Variants in GASK1B observed in about 807,000 individuals in gnomAD.
GASK1B encodes golgi associated kinase 1B.
In GASK1B, 34 loss-of-function variants were observed where a neutral mutation model predicts 42.8. The observed-to-expected ratio is 0.79, with a 90% confidence interval of 0.60 to 1.06. GASK1B has a LOEUF of 1.06. GASK1B is among the 50% of genes least tolerant of loss of function. The probability of loss-of-function intolerance (pLI) is 0.00; values close to 1 mark genes in which losing one functional copy is unlikely to be tolerated. For synonymous variants in GASK1B, 262 were observed against 259.1 expected, an observed-to-expected ratio of 1.01 and a Z score of -0.11; for missense variants, 686 against 661.0, an observed-to-expected ratio of 1.04 and a Z score of -0.42.
At chr4:158,129,678 T>G (rs1386159350) in intron 4 of GASK1B, among the ~76,000 whole-genome samples, 8 of 152,092 alleles carry the variant, frequency 5.3e-5, no homozygotes, top group Non-Finnish European at 1.5e-5. Context: ...ATACTGGACT[T>G]GGATTTGGAA....
chr4:158,156,047 GA>G (rs944954557), intron 2 of GASK1B, among the ~76,000 whole-genome samples: 45 of 151,922 alleles, frequency 3.0e-4, no homozygotes, highest in African/African-American at 9.4e-4. Context: ...GTTAGACAAT[GA>G]AAAAAAATTT....
chr4:158,161,446 G>A (rs1475151588), intron 2 of GASK1B, among the ~76,000 whole-genome samples: 1 of 152,154 alleles, frequency 6.6e-6, no homozygotes, highest in Non-Finnish European at 1.5e-5. Context: ...TCAGGAGTTA[G>A]CTAAGTGTGA....
intron 2 of GASK1B, chr4:158,159,458 T>C (rs1374556090): frequency 7.1e-6 from 3 of 422,144 alleles, no homozygotes; most frequent in African/African-American, 6.3e-5. Context: ...CTGGATGGAT[T>C]TGAAGAGATG....
chr4:158,132,507 C>T (rs915006191), intron 3 of GASK1B, among the ~76,000 whole-genome samples: 5 of 152,198 alleles, frequency 3.3e-5, no homozygotes, highest in African/African-American at 1.2e-4. Context: ...ATTACCACTT[C>T]CAATGGAAAA....
intron 3 of GASK1B, among the ~76,000 whole-genome samples, chr4:158,146,633 G>A (rs1346797001): frequency 6.6e-6 from 1 of 152,200 alleles, no homozygotes; most frequent in Non-Finnish European, 1.5e-5. Context: ...GGTTAAATCA[G>A]TAGTAGCAGA....
Position 158,155,656 on chromosome 4 carries a change from A to G in GASK1B, c.1080T>C (p.His360=), listed in dbSNP as rs1731729682. The G allele has an allele frequency of 6.2e-7, 1 of 1,613,858 alleles. No individual in the cohort carries two copies. The highest frequency in any genetic ancestry group is 2.2e-5 in the East Asian group (1 of 44,874). The change falls in exon 3 of 5, where the codon CAT becomes CAC. Residue 360 remains histidine, a synonymous_variant. Coordinates refer to ENST00000585682, the MANE Select transcript of GASK1B (RefSeq NM_001128424.2). ...PKPESGCTEI[H]HHEWSKMALF... ...GTGCCATCTTGGACCACTCATGATG[A>G]TGTATTTCAGTACAACCCGATTCAG...
In GASK1B at chr4:158,130,869, C is replaced by A; in HGVS notation, c.1269G>T (p.Arg423Ser). ...AHIIQRKHDP[R>S]HLVFIDNKGF... is the part of the protein sequence containing the mutation. Reference sequence around the variant, plus strand: ...CCTTGTTGTCTATAAAAACCAAATGCCTTGGGTCATGCTTTCGCTGGATAA... The same window carrying A: ...CCTTGTTGTCTATAAAAACCAAATGACTTGGGTCATGCTTTCGCTGGATAA... The change falls in exon 4 of 5, where the codon AGG becomes AGT. Residue 423 changes from arginine to serine, a missense_variant. By Grantham distance (110) the Arg-to-Ser change is moderately radical. Transcript: ENST00000585682. 3 of 1,614,032 alleles carry A rather than the reference C, an allele frequency of 1.9e-6. No homozygotes were observed. The highest frequency in any genetic ancestry group is 1.7e-6 in the Non-Finnish European group (2 of 1,179,976).
intron 4 of GASK1B, 56 bp downstream of exon 4, chr4:158,130,730 C>G: frequency 7.5e-7 from 1 of 1,326,384 alleles, no homozygotes. Flanking sequence ...TTCTCAGAAC[C>G]TTGCTACTTA....
chr4:158,162,505 C>T (rs914271775), intron 2 of GASK1B, among the ~76,000 whole-genome samples: 1 of 152,192 alleles, frequency 6.6e-6, no homozygotes, highest in Admixed American at 6.5e-5. Context: ...CCTGGCATGA[C>T]ATCCTAGTAA....
intron 3 of GASK1B, among the ~76,000 whole-genome samples, chr4:158,139,845 C>T (rs1405923673): frequency 6.6e-6 from 1 of 152,152 alleles, no homozygotes; most frequent in Non-Finnish European, 1.5e-5. Flanking sequence ...CAAACAATTA[C>T]ATAAGTGGTT....
chr4:158,166,309 C>T (rs1298445372), intron 2 of GASK1B, among the ~76,000 whole-genome samples: 1 of 152,196 alleles, frequency 6.6e-6, no homozygotes, highest in Non-Finnish European at 1.5e-5. Flanking sequence ...AAGATCTTGT[C>T]CCAGATTAAA....
At position 158,132,708 on chromosome 4, in the gene GASK1B, C is replaced by T. The variant is rs181528281; in HGVS notation, c.1126-1696G>A. ...TATGTAAAGCTGGTCACATGTGTGGCAAGCGAGCGACCAAGCATTTGCACC... is the reference window on the plus strand; with the variant it reads ...TATGTAAAGCTGGTCACATGTGTGGTAAGCGAGCGACCAAGCATTTGCACC... On this transcript the variant is annotated intron_variant, in intron 3 of 4. Transcript: ENST00000585682. Among the ~76,000 whole-genome samples the T allele has an allele frequency of 1.5e-3, 221 of 152,250 alleles. 2 individuals carry two copies. Among genetic ancestry groups the T allele is most frequent in the Non-Finnish European group, 1.9e-4 (13 of 68,020 alleles).
At chr4:158,136,760 T>G (rs1730906986) in intron 3 of GASK1B, among the ~76,000 whole-genome samples, 1 of 152,190 alleles carries the variant, frequency 6.6e-6, no homozygotes, top group African/African-American at 2.4e-5. Context: ...AAATGATTTG[T>G]TTTTAGCATT....
At chr4:158,130,544 T>G (rs1240164720) in intron 4 of GASK1B, among the ~76,000 whole-genome samples, 1 of 152,166 alleles carries the variant, frequency 6.6e-6, no homozygotes, top group Non-Finnish European at 1.5e-5. Context: ...AGCAACATCA[T>G]GAATGTGAAA....
intron 2 of GASK1B, among the ~76,000 whole-genome samples, chr4:158,165,427 A>C (rs1414065149): frequency 1.3e-5 from 2 of 152,220 alleles, no homozygotes; most frequent in Non-Finnish European, 2.9e-5. Context: ...AATTTGGCAG[A>C]AAACAAATAT....
rs1468745386 is a variant in GASK1B at position 158,171,322 on chromosome 4, C to A, written c.54G>T (p.Leu18=). The A allele has an allele frequency of 8.1e-6, 13 of 1,611,970 alleles. No homozygotes were observed. Among genetic ancestry groups the A allele is most frequent in the Non-Finnish European group, 1.1e-5 (13 of 1,178,990 alleles). ...GQLINWFICS[L]CVPRVRKLWS... ...AGAGCTTACGCACCCGCGGGACGCACAGGGAGCAGATGAACCAGTTTATGA... is the reference window on the plus strand; with the variant it reads ...AGAGCTTACGCACCCGCGGGACGCAAAGGGAGCAGATGAACCAGTTTATGA... The change falls in exon 2 of 5, where the codon CTG becomes CTT. Residue 18 remains leucine (L), a synonymous_variant. Coordinates refer to ENST00000585682, the MANE Select transcript of GASK1B (RefSeq NM_001128424.2).
rs928813778 is a variant in GASK1B, at chr4:158,138,134, T to C, written c.1126-7122A>G. Among the ~76,000 whole-genome samples the C allele has an allele frequency of 1.2e-4, 18 of 152,348 alleles. No individual in the cohort carries two copies. In the Middle Eastern group the frequency reaches 0.01, roughly 86 times the overall value. ...GTTATTATACATTTGGATCGATTTC[T>C]ATAGCTGCAATGTTTAAAATCCATA... On this transcript the variant is annotated intron_variant, in intron 3 of 4. Transcript: ENST00000585682.
chr4:158,172,601 G>A (rs919115808), intron 1 of GASK1B: 8 of 152,032 alleles, frequency 5.3e-5, no homozygotes, highest in Non-Finnish European at 1.0e-4. Context: ...TTTTAAATTC[G>A]GAAAAAAGAA....
Position 158,172,000 on chromosome 4 carries a change from C to T in GASK1B, c.-224-401G>A, listed in dbSNP as rs112267043. On this transcript the variant is annotated intron_variant, in intron 1 of 4. Transcript: ENST00000585682. Reference sequence around the variant, plus strand: ...TCCTGAATTAACTAAGTACAAGCAGCAAGTATTAACAATAAAATTTAGAAA... The same window carrying T: ...TCCTGAATTAACTAAGTACAAGCAGTAAGTATTAACAATAAAATTTAGAAA... Among the ~76,000 whole-genome samples the T allele has an allele frequency of 6.2e-4, 94 of 152,244 alleles. 1 individual carries two copies. Among genetic ancestry groups the T allele is most frequent in the African/African-American group, 2.0e-3 (83 of 41,546 alleles).
Sources: allele counts gnomAD v4.1 joint callset (sites outside exome capture counted in the v4.1 genomes callset), GRCh38; gene constraint gnomAD v4.1.1; transcripts MANE v1.5; gene names NCBI Gene and HGNC (gene_info 2026-07-23, HGNC 2026-07-21).